SLC37A3: variants seen among roughly 807,000 people sequenced by gnomAD.
SLC37A3 encodes sugar phosphate exchanger 3.
In SLC37A3, 51 loss-of-function variants were observed where a neutral mutation model predicts 67.1. That is an observed-to-expected ratio of 0.76 (90% confidence interval 0.61 to 0.96). SLC37A3 has a LOEUF of 0.96. Among genes scored for constraint, SLC37A3 ranks in the 40% least tolerant of loss-of-function variants. SLC37A3 has a pLI of 0.00. For missense variants in SLC37A3, 508 were observed against 603.0 expected (o/e 0.84, Z 1.65); for synonymous variants, 214 against 231.4 (o/e 0.92, Z 0.68).
At position 140,337,275 on chromosome 7, in the gene SLC37A3, C is replaced by T. The variant is rs1402820192; in HGVS notation, c.1392+9G>A. On this transcript the variant is annotated intron_variant, in intron 14 of 14. Coordinates refer to ENST00000326232, the MANE Select transcript of SLC37A3 (RefSeq NM_207113.3). ...TGACTTTTTTTTTTTTAAAGGGGCA[C>T]ACACTTACCATGAGAATGAAAAAGT... 3 of 1,574,460 alleles carry T rather than the reference C, an allele frequency of 1.9e-6. No individual in the cohort carries two copies. Among genetic ancestry groups the T allele is most frequent in the Non-Finnish European group, 2.6e-6 (3 of 1,163,868 alleles).
At chr7:140,383,247 A>G (rs1798325578) in intron 1 of SLC37A3, among the ~76,000 whole-genome samples, 1 of 152,036 alleles carries the variant, frequency 6.6e-6, no homozygotes, top group Non-Finnish European at 1.5e-5. Context: ...AAAAATACAG[A>G]TGTGTTTAGG....
chr7:140,360,053 A>C (rs1173645301), intron 5 of SLC37A3, among the ~76,000 whole-genome samples: 2 of 152,230 alleles, frequency 1.3e-5, no homozygotes, highest in Non-Finnish European at 2.9e-5. Flanking sequence ...CAAACACTGA[A>C]AAACAATAGT....
chr7:140,348,457 CTTTTCTTTTTTTT>C, intron 10 of SLC37A3, 156 bp downstream of exon 10: 2 of 634,460 alleles, frequency 3.2e-6, no homozygotes, highest in Non-Finnish European at 4.6e-6. Context: ...CTTTTCTTTT[CTTTTCTTTTTTTT>C]TTTTTTTTGA....
intron 12 of SLC37A3, among the ~76,000 whole-genome samples, chr7:140,344,308 A>G (rs1796470183): frequency 6.6e-6 from 1 of 150,510 alleles, no homozygotes; most frequent in South Asian, 2.1e-4. Context: ...GGCGCCTGTA[A>G]TCCCAACTAC....
chr7:140,348,225 T>A (rs1203021677), intron 10 of SLC37A3, among the ~76,000 whole-genome samples: 2 of 152,148 alleles, frequency 1.3e-5, no homozygotes, highest in Non-Finnish European at 2.9e-5. Flanking sequence ...GTAGATACAA[T>A]GAACACGTTC....
chr7:140,347,168 T>C (rs957950608), intron 10 of SLC37A3, among the ~76,000 whole-genome samples: 1 of 151,226 alleles, frequency 6.6e-6, no homozygotes, highest in Admixed American at 6.6e-5. Flanking sequence ...GGAGGATCGC[T>C]TGAGCCCAGG....
At chr7:140,357,272 C>G (rs1269453440) in intron 6 of SLC37A3, among the ~76,000 whole-genome samples, 1 of 151,972 alleles carries the variant, frequency 6.6e-6, no homozygotes, top group African/African-American at 2.4e-5. Context: ...CCATTCTACC[C>G]CTAGATATTT....
At chr7:140,343,386 T>C (rs1585254222) in intron 13 of SLC37A3, 26 bp downstream of exon 13, 1 of 1,612,138 alleles carries the variant, frequency 6.2e-7, no homozygotes, top group Non-Finnish European at 8.5e-7. Context: ...GACACTAGAA[T>C]CCCAGCCCCT....
At chr7:140,385,505 C>T (rs974718270) in intron 1 of SLC37A3, among the ~76,000 whole-genome samples, 15 of 152,242 alleles carry the variant, frequency 9.9e-5, no homozygotes, top group African/African-American at 3.6e-4. Flanking sequence ...GTAGTATGTA[C>T]TCCAGGAAAG....
At chr7:140,352,792 T>C (rs1177205772) in intron 7 of SLC37A3, among the ~76,000 whole-genome samples, 3 of 152,138 alleles carry the variant, frequency 2.0e-5, no homozygotes, top group African/African-American at 7.2e-5. Context: ...AAAACTGATT[T>C]GGAAAGGTGA....
intron 5 of SLC37A3, among the ~76,000 whole-genome samples, chr7:140,364,177 GGAGGCAGAGGTTGCAGTGAGCT>G (rs2117170699): frequency 6.6e-6 from 1 of 151,994 alleles, no homozygotes; most frequent in East Asian, 1.9e-4. Flanking sequence ...CTTGAACATG[GGAGGCAGAGGTTGCAGTGAGCT>G]GAGATCGCAC....
rs1234448342 is a variant in SLC37A3 at position 140,364,431 on chromosome 7, C to T, written c.352G>A (p.Gly118Ser). ...RLNLRWVLSF[G>S]MCSSALVVFV... ...ACCACTAATGCAGAAGAGCACATGC[C>T]AAAAGACAGAACCCATCGCAAATTC... Residue 118 changes from glycine to serine, a missense_variant, in exon 5 of 15, where the codon GGC becomes AGC. By Grantham distance (56) the Gly-to-Ser change is moderately conservative. Coordinates refer to ENST00000326232, the MANE Select transcript of SLC37A3 (RefSeq NM_207113.3). 1 of 1,613,722 alleles carries T rather than the reference C, an allele frequency of 6.2e-7. No individual in the cohort carries two copies. The highest frequency in any genetic ancestry group is 1.1e-5 in the South Asian group (1 of 91,046).
At chr7:140,362,976 C>T (rs1254080732) in intron 5 of SLC37A3, among the ~76,000 whole-genome samples, 1 of 90,382 alleles carries the variant, frequency 1.1e-5, no homozygotes, top group Non-Finnish European at 2.5e-5. Flanking sequence ...CCGGCCGCCC[C>T]GGCCGGGAGG....
At chr7:140,375,190 T>A (rs1339936462) in intron 3 of SLC37A3, among the ~76,000 whole-genome samples, 2 of 140,520 alleles carry the variant, frequency 1.4e-5, no homozygotes, top group African/African-American at 5.3e-5. Context: ...AAAAACAGGC[T>A]GGGTGCAGTG....
At chr7:140,340,515 C>T (rs773268976) in intron 13 of SLC37A3, among the ~76,000 whole-genome samples, 9 of 151,970 alleles carry the variant, frequency 5.9e-5, no homozygotes, top group Admixed American at 2.6e-4. Context: ...TAATGCAGAA[C>T]GACTATGTGA....
At chr7:140,337,751 C>T (rs1388847980) in intron 13 of SLC37A3, 4 of 157,772 alleles carry the variant, frequency 2.5e-5, no homozygotes, top group African/African-American at 7.2e-5. Context: ...CACAGTGTTG[C>T]AGTACTACCT....
chr7:140,368,863 C>A (rs1400905392), intron 4 of SLC37A3, among the ~76,000 whole-genome samples: 1 of 152,150 alleles, frequency 6.6e-6, no homozygotes, highest in Non-Finnish European at 1.5e-5. Flanking sequence ...CTCCAAAACA[C>A]CGCTAAAATC....
chr7:140,368,789 G>A (rs755931054), intron 4 of SLC37A3, among the ~76,000 whole-genome samples: 1 of 152,018 alleles, frequency 6.6e-6, no homozygotes, highest in Non-Finnish European at 1.5e-5. Context: ...CCACCCTGGA[G>A]GTGTTCTTGA....
chr7:140,355,653 G>A lies in SLC37A3; in HGVS notation c.618+15C>T. The A allele has an allele frequency of 6.2e-7, 1 of 1,609,302 alleles. No homozygotes were observed. The highest frequency in any genetic ancestry group is 8.5e-7 in the Non-Finnish European group (1 of 1,176,164). ...AGAGAGAGAGAGAGCACCAGAGCTA[G>A]AAAACAATACCTACCTCATAACCAT... On this transcript the variant is annotated intron_variant, in intron 7 of 14. Transcript: ENST00000326232.
Sources: gnomAD v4.1 joint callset for allele counts (sites outside exome capture counted in the v4.1 genomes callset) on GRCh38, gnomAD v4.1.1 for gene constraint, MANE v1.5 for transcripts, NCBI Gene and HGNC (gene_info 2026-07-23, HGNC 2026-07-21) for gene names.